ANLN: variants seen among roughly 807,000 people sequenced by gnomAD.
ANLN encodes the protein anillin.
Under a neutral mutation model 135.1 loss-of-function variants are expected in ANLN, and 59 were observed. The ratio of observed to expected loss-of-function variants is 0.44; its 90% CI spans 0.35 to 0.54. ANLN has a LOEUF of 0.54. Among genes scored for constraint, ANLN ranks in the 20% least tolerant of loss-of-function variants. ANLN has a pLI of 0.00. For synonymous variants in ANLN, 406 were observed against 456.4 expected, an observed-to-expected ratio of 0.89 and a Z score of 1.41; for missense variants, 1,182 against 1,340.0, an observed-to-expected ratio of 0.88 and a Z score of 1.84.
intron 7 of ANLN, among the ~76,000 whole-genome samples, chr7:36,412,327 ATT>A (rs1554343030): frequency 0.014 from 1,323 of 94,658 alleles, 19 homozygotes; most frequent in East Asian, 0.082. Context: ...ATATATATAT[ATT>A]TTTTTTTTTT....
At position 36,423,803 on chromosome 7, in the gene ANLN, A is replaced by G. The variant is rs753113017; in HGVS notation, c.2477-14A>G. On this transcript the variant is annotated splice_polypyrimidine_tract_variant and intron_variant, in intron 14 of 23. Coordinates refer to ENST00000265748, the MANE Select transcript of ANLN (RefSeq NM_018685.5). ...TTGCTTGTGCTTACTATGTAATATGATTACTTCTTACAGATGCAGCAAATT... is the reference window on the plus strand; with the variant it reads ...TTGCTTGTGCTTACTATGTAATATGGTTACTTCTTACAGATGCAGCAAATT... 8 of 1,604,420 alleles carry G rather than the reference A, an allele frequency of 5.0e-6. No homozygotes were observed. Among genetic ancestry groups the G allele is most frequent in the East Asian group, 4.5e-5 (2 of 44,584 alleles).
chr7:36,405,803 A>T (rs1032910144), intron 3 of ANLN, among the ~76,000 whole-genome samples: 4 of 152,226 alleles, frequency 2.6e-5, no homozygotes, highest in African/African-American at 9.6e-5. Flanking sequence ...TGAACAATCA[A>T]ACATTCTGTT....
In ANLN at chr7:36,435,385, T is replaced by TGG. The variant is rs112527351; in HGVS notation, c.2884-3810_2884-3809dup. Among the ~76,000 whole-genome samples, 97 of 143,434 alleles carry TGG rather than the reference T, an allele frequency of 6.8e-4. 1 individual carries two copies. The highest frequency in any genetic ancestry group is 2.0e-3 in the African/African-American group (76 of 38,706). 94.1% of individuals were successfully genotyped at this position (143,434 alleles called of 152,430 possible). Reference sequence around the variant, plus strand: ...CTTTTAAAAAAGAAAATAGAGATGGTGGGGGGGGGGTCTCAGTATGTTGCC... The same window carrying TGG: ...CTTTTAAAAAAGAAAATAGAGATGGTGGGGGGGGGGGGTCTCAGTATGTTGCC... On this transcript the variant is annotated intron_variant, in intron 20 of 23. Coordinates refer to ENST00000265748, the MANE Select transcript of ANLN (RefSeq NM_018685.5).
At chr7:36,429,987 G>A (rs1429080660) in intron 20 of ANLN, among the ~76,000 whole-genome samples, 1 of 152,190 alleles carries the variant, frequency 6.6e-6, no homozygotes, top group Non-Finnish European at 1.5e-5. Flanking sequence ...GTCAGATACA[G>A]TACGATTTAG....
chr7:36,399,088 G>A lies in ANLN; in HGVS notation c.182G>A (p.Cys61Tyr), dbSNP rs770188995. Reference sequence around the variant, plus strand: ...ATCGTTTTTAATGTAGAGAAATCTTGTACAAAACCATCGCCATCAAAAAAA... The same window carrying A: ...ATCGTTTTTAATGTAGAGAAATCTTATACAAAACCATCGCCATCAAAAAAA... ...QPLSGGEEKS[C>Y]TKPSPSKKRC... is the part of the protein sequence containing the mutation. The change falls in exon 3 of 24, where the codon TGT becomes TAT. Residue 61 changes from cysteine (C) to tyrosine (Y), a missense_variant. Cys to Tyr is a radical substitution (Grantham distance 194, BLOSUM62 -2). Coordinates refer to ENST00000265748, the MANE Select transcript of ANLN (RefSeq NM_018685.5). 1.9e-6 allele frequency: 3 copies of A among 1,605,294 alleles called. No individual in the cohort carries two copies. Among genetic ancestry groups the A allele is most frequent in the South Asian group, 1.1e-5 (1 of 89,774 alleles).
chr7:36,397,060 A>G (rs1786733877), intron 2 of ANLN, among the ~76,000 whole-genome samples: 3 of 152,154 alleles, frequency 2.0e-5, no homozygotes. Context: ...TAGTCTGGAG[A>G]TAATAATCTT....
intron 5 of ANLN, among the ~76,000 whole-genome samples, chr7:36,408,654 A>G (rs546648520): frequency 7.2e-5 from 11 of 152,332 alleles, no homozygotes; most frequent in African/African-American, 1.9e-4. Flanking sequence ...CTACTGATCT[A>G]TCAAACACTG....
In ANLN at chr7:36,427,003, G is replaced by C; in HGVS notation, c.2858G>C (p.Gly953Ala). 5 of 1,610,812 alleles carry C rather than the reference G, an allele frequency of 3.1e-6. No homozygotes were observed. Among genetic ancestry groups the C allele is most frequent in the Non-Finnish European group, 4.2e-6 (5 of 1,178,554 alleles). Residue 953 changes from glycine to alanine, a missense_variant, in exon 20 of 24, where the codon GGA (glycine) becomes GCA (alanine). Physicochemically the swap from Gly to Ala is moderately conservative, Grantham distance 60 (BLOSUM62 0). This residue lies in a region of ANLN where 1,022 missense variants were observed against 1,134.0 expected (regional missense o/e 0.90). Coordinates refer to ENST00000265748, the MANE Select transcript of ANLN (RefSeq NM_018685.5). ...TACACATTATCATTGTCTTCAGTAG[G>C]AAATACTAAGTTTGTTCTGGACAAG... ...GSYTLSLSSV[G>A]NTKFVLDKVP...
chr7:36,413,293 CTCTTTAGAAT>C, intron 7 of ANLN, among the ~76,000 whole-genome samples: 1 of 152,186 alleles, frequency 6.6e-6, no homozygotes, highest in East Asian at 1.9e-4. Flanking sequence ...TTTCCCCCTT[CTCTTTAGAAT>C]TCTATCTGCT....
At chr7:36,396,135 G>C in intron 1 of ANLN, 131 bp from the exon 2 acceptor site, 1 of 622,546 alleles carries the variant, frequency 1.6e-6, no homozygotes, top group Non-Finnish European at 2.5e-6. Flanking sequence ...TGACATAATT[G>C]CTTAGGATTT....
intron 17 of ANLN, among the ~76,000 whole-genome samples, chr7:36,425,326 G>T: frequency 7.6e-6 from 1 of 132,234 alleles, no homozygotes; most frequent in Non-Finnish European, 1.6e-5. Context: ...ACGGAGTCTC[G>T]CTCTGTTGCC....
intron 20 of ANLN, among the ~76,000 whole-genome samples, chr7:36,428,862 TCTGCCTCCTGGGTTCAAGCGATTCTC>T (rs1319005282): frequency 6.9e-6 from 1 of 144,704 alleles, no homozygotes; most frequent in East Asian, 2.1e-4. Context: ...CACTGCAACC[TCTGCCTCCTGGGTTCAAGCGATTCTC>T]CTGCCTCAGC....
At chr7:36,424,500 T>C (rs907222870) in intron 15 of ANLN, 45 bp from the exon 16 acceptor site, 1 of 1,475,020 alleles carries the variant, frequency 6.8e-7, no homozygotes, top group South Asian at 1.2e-5. Flanking sequence ...AATGGTGTGA[T>C]TGAGGTTTTC....
intron 7 of ANLN, among the ~76,000 whole-genome samples, chr7:36,415,191 C>T (rs192931080): frequency 5.3e-5 from 8 of 152,226 alleles, no homozygotes; most frequent in Middle Eastern, 3.4e-3. Context: ...AAGACTCAGA[C>T]GAGGGAATGT....
intron 21 of ANLN, among the ~76,000 whole-genome samples, chr7:36,442,648 T>G (rs1393056169): frequency 6.6e-6 from 1 of 152,034 alleles, no homozygotes; most frequent in East Asian, 1.9e-4. Context: ...ATATATTTTT[T>G]TGAGACGGAG....
At chr7:36,417,416 T>C (rs1462087768) in intron 9 of ANLN, among the ~76,000 whole-genome samples, 1 of 152,142 alleles carries the variant, frequency 6.6e-6, no homozygotes, top group Non-Finnish European at 1.5e-5. Context: ...ATAGGAAAGT[T>C]GCTGCCCTCC....
intron 9 of ANLN, among the ~76,000 whole-genome samples, chr7:36,419,028 A>G: frequency 6.6e-6 from 1 of 152,146 alleles, no homozygotes; most frequent in East Asian, 1.9e-4. Context: ...AAGTGCTGGG[A>G]TTACCAATAT....
intron 22 of ANLN, among the ~76,000 whole-genome samples, chr7:36,447,967 C>A (rs576478208): frequency 1.3e-5 from 2 of 152,156 alleles, no homozygotes; most frequent in East Asian, 1.9e-4. Flanking sequence ...ACACACACAC[C>A]CCCTGCCATC....
At chr7:36,436,892 T>C (rs1483071620) in intron 20 of ANLN, among the ~76,000 whole-genome samples, 3 of 152,230 alleles carry the variant, frequency 2.0e-5, no homozygotes, top group Non-Finnish European at 4.4e-5. Flanking sequence ...TATTATCAGA[T>C]ATATAATTGA....
Sources: gnomAD v4.1 joint callset for allele counts (sites outside exome capture counted in the v4.1 genomes callset) on GRCh38, gnomAD v4.1.1 for gene constraint, gnomAD v4.1.1 regional missense constraint, MANE v1.5 for transcripts, NCBI Gene and HGNC (gene_info 2026-07-23, HGNC 2026-07-21) for gene names.